Variants in PSMB7 observed in about 807,000 individuals in gnomAD.
The protein encoded by PSMB7 is proteasome 20S subunit beta 7.
A neutral mutation model predicts 28.1 loss-of-function variants in PSMB7; 5 were observed. That is an observed-to-expected ratio of 0.18 (90% CI 0.09 to 0.37). The LOEUF (loss-of-function observed/expected upper bound fraction) is 0.37. Among genes scored for constraint, PSMB7 ranks in the 10% least tolerant of loss-of-function variants. PSMB7 has a pLI of 1.00. For synonymous variants in PSMB7, 122 were observed against 123.7 expected (o/e 0.99, Z 0.09); for missense variants, 275 against 346.2 (o/e 0.79, Z 1.63).
At chr9:124,353,833 C>A (rs530966102) in intron 7 of PSMB7, 124 bp from the exon 8 acceptor site, 1 of 719,140 alleles carries the variant, frequency 1.4e-6, no homozygotes, top group Non-Finnish European at 2.4e-6. Flanking sequence ...TTGGCTCTCC[C>A]GATCCCAGCT....
chr9:124,386,507 G>A (rs893699132), intron 5 of PSMB7, among the ~76,000 whole-genome samples: 8 of 152,292 alleles, frequency 5.3e-5, no homozygotes, highest in Middle Eastern at 3.4e-3. Flanking sequence ...ATGAACGAAC[G>A]AGGCAACTGC....
intron 6 of PSMB7, among the ~76,000 whole-genome samples, chr9:124,366,541 G>A (rs1830510430): frequency 6.6e-6 from 1 of 152,200 alleles, no homozygotes; most frequent in South Asian, 2.1e-4. Flanking sequence ...AAAAGGTTAC[G>A]GTAATTACCG....
At chr9:124,377,005 G>GT (rs1830617223) in intron 6 of PSMB7, among the ~76,000 whole-genome samples, 2 of 152,202 alleles carry the variant, frequency 1.3e-5, no homozygotes, top group African/African-American at 4.8e-5. Flanking sequence ...AAGAAGGCCT[G>GT]TATCTATCTA....
intron 6 of PSMB7, among the ~76,000 whole-genome samples, chr9:124,382,015 T>C (rs985586729): frequency 6.6e-6 from 1 of 151,692 alleles, no homozygotes; most frequent in African/African-American, 2.4e-5. Context: ...ATCCCAGCCT[T>C]TGGGAGGCCA....
intron 6 of PSMB7, among the ~76,000 whole-genome samples, chr9:124,363,881 G>C (rs1830484802): frequency 6.6e-6 from 1 of 152,182 alleles, no homozygotes; most frequent in African/African-American, 2.4e-5. Context: ...GCCAGGAAGA[G>C]ATGTCAGCGG....
chr9:124,387,501 A>ACT (rs916014296), intron 5 of PSMB7, among the ~76,000 whole-genome samples: 35 of 145,846 alleles, frequency 2.4e-4, no homozygotes, highest in South Asian at 2.1e-4. Context: ...ACACACACAC[A>ACT]CTCTCTCTCT....
chr9:124,381,074 C>G (rs1191193040), intron 6 of PSMB7, among the ~76,000 whole-genome samples: 1 of 152,126 alleles, frequency 6.6e-6, no homozygotes, highest in African/African-American at 2.4e-5. Flanking sequence ...GTCTCTGAAA[C>G]CTGGTGTGCG....
At chr9:124,367,225 G>A (rs1392079327) in intron 6 of PSMB7, among the ~76,000 whole-genome samples, 1 of 152,150 alleles carries the variant, frequency 6.6e-6, no homozygotes, top group Non-Finnish European at 1.5e-5. Context: ...AAGATGTGGA[G>A]GGTGCCACCT....
At chr9:124,371,147 A>G (rs1830558548) in intron 6 of PSMB7, among the ~76,000 whole-genome samples, 2 of 152,188 alleles carry the variant, frequency 1.3e-5, no homozygotes, top group Admixed American at 1.3e-4. Context: ...TCAATTTGTA[A>G]TTGAGTTCTA....
chr9:124,387,117 G>A (rs933913025), intron 5 of PSMB7, among the ~76,000 whole-genome samples: 6 of 152,004 alleles, frequency 3.9e-5, no homozygotes, highest in Non-Finnish European at 8.8e-5. Flanking sequence ...ATGGTGGTGG[G>A]CGCCTGTAGT....
intron 6 of PSMB7, among the ~76,000 whole-genome samples, chr9:124,358,736 G>A (rs1471733443): frequency 3.3e-5 from 5 of 152,180 alleles, no homozygotes; most frequent in East Asian, 1.9e-4. Context: ...CCCTGTTCCC[G>A]GCCTACCACC....
chr9:124,368,156 T>C (rs1327669656), intron 6 of PSMB7, among the ~76,000 whole-genome samples: 2 of 151,906 alleles, frequency 1.3e-5, no homozygotes, highest in South Asian at 4.2e-4. Context: ...GCAGACTTAC[T>C]GTGTGCAGGC....
intron 5 of PSMB7, among the ~76,000 whole-genome samples, chr9:124,387,369 A>G (rs1156729427): frequency 2.0e-5 from 3 of 152,174 alleles, no homozygotes; most frequent in Admixed American, 1.3e-4. Context: ...AGTTTCTCCA[A>G]TGTGGGGAGG....
At chr9:124,382,678 G>A (rs73666878) in intron 6 of PSMB7, among the ~76,000 whole-genome samples, 2,367 of 152,254 alleles carry the variant, frequency 0.016, 71 homozygotes, top group African/African-American at 0.053. Flanking sequence ...ATGCTCCCAA[G>A]TTATGGACAC....
At chr9:124,375,534 C>G (rs1830602099) in intron 6 of PSMB7, among the ~76,000 whole-genome samples, 1 of 152,062 alleles carries the variant, frequency 6.6e-6, no homozygotes, top group Admixed American at 6.6e-5. Flanking sequence ...TCCCCCCAGA[C>G]AAACGAGATA....
At chr9:124,400,543 G>A (rs1830892156) in intron 5 of PSMB7, among the ~76,000 whole-genome samples, 1 of 152,202 alleles carries the variant, frequency 6.6e-6, no homozygotes, top group Non-Finnish European at 1.5e-5. Flanking sequence ...GGAACTCTCT[G>A]GTGGTGGAAG....
rs748250503 is a variant in PSMB7, at chr9:124,415,395, C to A, written c.31G>T (p.Val11Phe). 1 of 1,614,194 alleles carries A rather than the reference C, an allele frequency of 6.2e-7. No homozygotes were observed. The highest frequency in any genetic ancestry group is 1.1e-5 in the South Asian group (1 of 91,090). Residue 11 changes from valine to phenylalanine, a missense_variant, in exon 1 of 8, where the codon GTT becomes TTT. Transcript: ENST00000259457. MAAVSVYAPP[V>F]GGFSFDNCRR... ...CAGTTATCAAAAGAGAAGCCTCCAA[C>A]TGGTGGAGCATACACCGACACAGCC...
intron 5 of PSMB7, among the ~76,000 whole-genome samples, chr9:124,402,645 A>G (rs2131175817): frequency 6.6e-6 from 1 of 152,340 alleles, no homozygotes; most frequent in South Asian, 2.1e-4. Context: ...TGAGTAAAGG[A>G]CAGATCAGTG....
intron 4 of PSMB7, among the ~76,000 whole-genome samples, chr9:124,406,630 G>T (rs1334490828): frequency 6.7e-6 from 1 of 149,546 alleles, no homozygotes; most frequent in South Asian, 2.2e-4. Flanking sequence ...CAAAAAAAAA[G>T]TATTTCATCA....
Sources: gnomAD v4.1 joint callset for allele counts (sites outside exome capture counted in the v4.1 genomes callset) on GRCh38, gnomAD v4.1.1 for gene constraint, MANE v1.5 for transcripts, NCBI Gene and HGNC (gene_info 2026-07-23, HGNC 2026-07-21) for gene names.